CCDC7: variants seen among roughly 807,000 people sequenced by gnomAD.
CCDC7 encodes the protein coiled-coil domain containing 7, also known as coiled-coil domain-containing protein 7.
Under a neutral mutation model 196.9 loss-of-function variants are expected in CCDC7, and 183 were observed. That is an observed-to-expected ratio of 0.93 (90% CI 0.82 to 1.05). The LOEUF (loss-of-function observed/expected upper bound fraction) is 1.05, where lower values mean the gene tolerates loss of function less well. Among genes scored for constraint, CCDC7 ranks in the 50% least tolerant of loss-of-function variants. The pLI is 0.00. For missense variants in CCDC7, 1,540 were observed against 1,482.2 expected (o/e 1.04, Z -0.64); for synonymous variants, 525 against 484.6 (o/e 1.08, Z -1.10).
At chr10:32,728,329 T>C (rs902738704) in intron 26 of CCDC7, among the ~76,000 whole-genome samples, 5 of 152,130 alleles carry the variant, frequency 3.3e-5, no homozygotes, top group Non-Finnish European at 7.4e-5. Flanking sequence ...ACATAGGCTG[T>C]CTATCATTGC....
chr10:32,683,348 C>T (rs1289815949), intron 21 of CCDC7, among the ~76,000 whole-genome samples: 1 of 152,122 alleles, frequency 6.6e-6, no homozygotes, highest in Non-Finnish European at 1.5e-5. Context: ...TTTCCTTGGT[C>T]TATGTGTATG....
intron 26 of CCDC7, among the ~76,000 whole-genome samples, chr10:32,727,437 G>C (rs1439107020): frequency 6.6e-6 from 1 of 152,062 alleles, no homozygotes; most frequent in Non-Finnish European, 1.5e-5. Context: ...TTTCATTTTA[G>C]GGGATTGAGA....
intron 28 of CCDC7, among the ~76,000 whole-genome samples, chr10:32,751,226 G>C (rs1446956398): frequency 6.6e-6 from 1 of 151,632 alleles, no homozygotes; most frequent in Non-Finnish European, 1.5e-5. Flanking sequence ...CTAGTATTTT[G>C]AGCAAGGGAG....
intron 32 of CCDC7, among the ~76,000 whole-genome samples, chr10:32,828,531 G>A (rs868350174): frequency 6.6e-6 from 1 of 150,514 alleles, no homozygotes; most frequent in Admixed American, 6.7e-5. Context: ...AGAAGAAGAA[G>A]AAGAAGAAGA....
At chr10:32,726,641 C>G (rs942762372) in intron 25 of CCDC7, 93 bp from the exon 27 acceptor site, 5 of 654,694 alleles carry the variant, frequency 7.6e-6, no homozygotes, top group African/African-American at 3.8e-5. Flanking sequence ...TTGCTATATA[C>G]TTGTTATAAA....
intron 28 of CCDC7, among the ~76,000 whole-genome samples, chr10:32,763,513 A>G (rs759758845): frequency 1.3e-5 from 2 of 151,992 alleles, no homozygotes; most frequent in African/African-American, 2.4e-5. Flanking sequence ...ATAAATACCT[A>G]GTAAAGATAT....
At chr10:32,863,394 T>C (rs1453435502) in intron 41 of CCDC7, among the ~76,000 whole-genome samples, 1 of 152,016 alleles carries the variant, frequency 6.6e-6, no homozygotes, top group Admixed American at 6.6e-5. Flanking sequence ...ACTTTGTCAC[T>C]TGGGCTAGAA....
chr10:32,583,344 C>G (rs1040728470), intron 17 of CCDC7, 37 bp downstream of exon 18: 5 of 1,155,884 alleles, frequency 4.3e-6, no homozygotes, highest in Non-Finnish European at 5.4e-6. Context: ...CTGTTTATTT[C>G]ATATTGCTCC....
At chr10:32,693,863 C>T (rs1018653066) in intron 23 of CCDC7, among the ~76,000 whole-genome samples, 4 of 152,048 alleles carry the variant, frequency 2.6e-5, no homozygotes, top group African/African-American at 9.7e-5. Context: ...AGCATTCTGT[C>T]GAGGGCTGGC....
intron 28 of CCDC7, among the ~76,000 whole-genome samples, chr10:32,756,172 G>A (rs1400236721): frequency 1.3e-5 from 2 of 152,160 alleles, no homozygotes; most frequent in Non-Finnish European, 2.9e-5. Flanking sequence ...AACCAAGTTG[G>A]AAAACACTCT....
intron 41 of CCDC7, among the ~76,000 whole-genome samples, chr10:32,872,826 G>C (rs1402745243): frequency 6.6e-6 from 1 of 152,044 alleles, no homozygotes; most frequent in Non-Finnish European, 1.5e-5. Context: ...ATGAAATTCT[G>C]AGTTGAAAAT....
chr10:32,669,044 A>G (rs142353691), intron 21 of CCDC7, among the ~76,000 whole-genome samples: 26 of 152,176 alleles, frequency 1.7e-4, no homozygotes, highest in Middle Eastern at 6.8e-3. Context: ...TTTGTTGTAT[A>G]TGGCTTTTAT....
intron 18 of CCDC7, among the ~76,000 whole-genome samples, chr10:32,628,320 A>G (rs910719104): frequency 6.6e-6 from 1 of 151,770 alleles, no homozygotes; most frequent in Non-Finnish European, 1.5e-5. Flanking sequence ...AATTGTTTAT[A>G]GTAGTCTATT....
At chr10:32,537,713 C>T (rs2050752313) in intron 11 of CCDC7, among the ~76,000 whole-genome samples, 1 of 152,120 alleles carries the variant, frequency 6.6e-6, no homozygotes, top group Non-Finnish European at 1.5e-5. Context: ...CTGCATATGG[C>T]TGGCCAGTTA....
At chr10:32,789,571 A>C (rs1301335367) in intron 29 of CCDC7, among the ~76,000 whole-genome samples, 1 of 152,090 alleles carries the variant, frequency 6.6e-6, no homozygotes, top group Non-Finnish European at 1.5e-5. Flanking sequence ...AAAAAAAAAA[A>C]AACCCTACAA....
chr10:32,689,065 A>T, exon 23 of CCDC7: 1 of 1,592,780 alleles, frequency 6.3e-7, no homozygotes, highest in Non-Finnish European at 8.6e-7. Flanking sequence ...CCTGATAAAG[A>T]ACCAAATGAA....
intron 21 of CCDC7, among the ~76,000 whole-genome samples, chr10:32,668,011 T>C (rs1242712749): frequency 6.6e-6 from 1 of 152,098 alleles, no homozygotes; most frequent in Non-Finnish European, 1.5e-5. Flanking sequence ...GTATGGGATG[T>C]TCTTCCATTT....
rs1373947988 is a variant in CCDC7, at chr10:32,528,661, T to TAC, written c.993+10164_993+10165dup. 1.8e-4 allele frequency among the ~76,000 whole-genome samples: 23 copies of TAC among 124,662 alleles called. 1 individual carries two copies. The South Asian group carries it at 2.7e-3, about 15-fold the overall frequency. 81.8% of individuals were successfully genotyped at this position (124,662 alleles called of 152,430 possible). ...GTGTGTGTGTGTGTGTATATATATA[T>TAC]ACACACACATATATATATGCATATA... On this transcript the variant is annotated intron_variant, in intron 11 of 41. Coordinates refer to ENST00000639629, the Ensembl canonical transcript of CCDC7.
intron 20 of CCDC7, among the ~76,000 whole-genome samples, chr10:32,637,620 T>C (rs1003371247): frequency 2.0e-4 from 31 of 152,200 alleles, no homozygotes; most frequent in Non-Finnish European, 4.1e-4. Flanking sequence ...CCATGCTCTT[T>C]TGGTTACTGT....
Sources: allele counts gnomAD v4.1 joint callset (sites outside exome capture counted in the v4.1 genomes callset), GRCh38; gene constraint gnomAD v4.1.1; transcripts MANE v1.5; gene names NCBI Gene and HGNC (gene_info 2026-07-23, HGNC 2026-07-21).